The following RSPO2 variants were observed in gnomAD, a reference collection of about 807,000 sequenced individuals.
RSPO2 encodes the protein R-spondin-2.
In RSPO2, 14 loss-of-function variants were observed where a neutral mutation model predicts 30.9. The observed-to-expected ratio is 0.45, with a 90% CI of 0.30 to 0.71. The LOEUF (loss-of-function observed/expected upper bound fraction) is 0.71, where lower values mean the gene tolerates loss of function less well. Among genes scored for constraint, RSPO2 ranks in the 30% least tolerant of loss-of-function variants. The pLI is 0.08. For synonymous variants in RSPO2, 107 were observed against 96.4 expected, an observed-to-expected ratio of 1.11 and a Z score of -0.64; for missense variants, 264 against 301.9, an observed-to-expected ratio of 0.87 and a Z score of 0.93.
Position 108,065,173 on chromosome 8 carries a change from A to T in RSPO2, c.94+17372T>A, listed in dbSNP as rs114780058. Among the ~76,000 whole-genome samples the T allele has an allele frequency of 8.7e-3, 1,288 of 148,242 alleles. 33 individuals are homozygous for T. The highest frequency in any genetic ancestry group is 0.03 in the African/African-American group (1,223 of 40,348). ...TACCCTAGAATTTAAAGTATAAGTT[A>T]AAAAAAAAAGAGTACTACAACACCT... On this transcript the variant is annotated intron_variant, in intron 2 of 5. Coordinates refer to ENST00000276659, the MANE Select transcript of RSPO2 (RefSeq NM_178565.5).
At chr8:107,931,251 A>C (rs1191283889) in intron 5 of RSPO2, among the ~76,000 whole-genome samples, 1 of 152,154 alleles carries the variant, frequency 6.6e-6, no homozygotes, top group Admixed American at 6.5e-5. Context: ...TCCTAGTAAA[A>C]ATAAGTATTA....
At chr8:107,964,411 A>T (rs1813730518) in intron 3 of RSPO2, among the ~76,000 whole-genome samples, 1 of 152,036 alleles carries the variant, frequency 6.6e-6, no homozygotes, top group African/African-American at 2.4e-5. Flanking sequence ...TGCCCAGCTA[A>T]TTTTGTATTT....
At chr8:108,004,522 A>G (rs1189732058) in intron 2 of RSPO2, among the ~76,000 whole-genome samples, 4 of 152,216 alleles carry the variant, frequency 2.6e-5, no homozygotes, top group Non-Finnish European at 5.9e-5. Context: ...AATGAAATGA[A>G]CAGTTTTGGA....
At chr8:107,927,826 G>T (rs187986493) in intron 5 of RSPO2, among the ~76,000 whole-genome samples, 2 of 151,880 alleles carry the variant, frequency 1.3e-5, no homozygotes, top group African/African-American at 2.4e-5. Flanking sequence ...TTTTTGTATC[G>T]ATGTTCATCA....
At chr8:107,931,560 T>C (rs1812553957) in intron 5 of RSPO2, among the ~76,000 whole-genome samples, 2 of 152,064 alleles carry the variant, frequency 1.3e-5, no homozygotes, top group Admixed American at 1.3e-4. Flanking sequence ...TAAAATAGAA[T>C]AAAGTCTGTG....
At chr8:107,965,640 T>G (rs1813777501) in intron 3 of RSPO2, among the ~76,000 whole-genome samples, 1 of 137,432 alleles carries the variant, frequency 7.3e-6, no homozygotes, top group African/African-American at 3.1e-5. Context: ...GCCATTCAAG[T>G]TTTTTTTTTT....
chr8:107,991,616 C>G (rs1394074709), intron 2 of RSPO2, among the ~76,000 whole-genome samples: 1 of 152,104 alleles, frequency 6.6e-6, no homozygotes, highest in Non-Finnish European at 1.5e-5. Flanking sequence ...AGGCAACCTA[C>G]AGAATGGGAG....
intron 5 of RSPO2, among the ~76,000 whole-genome samples, chr8:107,938,258 C>T (rs1483135331): frequency 6.6e-6 from 1 of 152,046 alleles, no homozygotes; most frequent in Admixed American, 6.6e-5. Flanking sequence ...CCCAGAAATA[C>T]TCATGTAATT....
chr8:108,046,627 GCAAA>G (rs775914034), intron 2 of RSPO2, among the ~76,000 whole-genome samples: 65 of 152,166 alleles, frequency 4.3e-4, no homozygotes, highest in Admixed American at 8.5e-4. Flanking sequence ...AGCATCATTT[GCAAA>G]CAAACAAACA....
intron 3 of RSPO2, among the ~76,000 whole-genome samples, chr8:107,986,627 G>T (rs1814643738): frequency 6.6e-6 from 1 of 152,128 alleles, no homozygotes; most frequent in Non-Finnish European, 1.5e-5. Context: ...GTTGTTAATG[G>T]CAGCCCCTCT....
Position 107,960,772 on chromosome 8 carries a change from C to A in RSPO2, c.329G>T (p.Cys110Phe). The A allele has an allele frequency of 1.2e-6, 2 of 1,611,336 alleles. No individual in the cohort carries two copies. The highest frequency in any genetic ancestry group is 1.3e-5 in the African/African-American group (1 of 74,930). ...ATAAAAGCCTACTTTGCACTTGGTACAAAAGTCTTTGCTAAAGCAAGAATC... is the reference window on the plus strand; with the variant it reads ...ATAAAAGCCTACTTTGCACTTGGTAAAAAAGTCTTTGCTAAAGCAAGAATC... ...NCDSCFSKDF[C>F]TKCKVGFYLH... The change falls in exon 4 of 6, where the codon TGT (cysteine) becomes TTT (phenylalanine). Residue 110 changes from cysteine to phenylalanine, a missense_variant. Transcript: ENST00000276659.
At chr8:107,902,024 A>C (rs1435501745) in intron 5 of RSPO2, among the ~76,000 whole-genome samples, 1 of 152,178 alleles carries the variant, frequency 6.6e-6, no homozygotes, top group African/African-American at 2.4e-5. Flanking sequence ...ATAGTTTTAC[A>C]GTCTTACTTT....
chr8:108,011,753 A>G (rs1810717740), intron 2 of RSPO2, among the ~76,000 whole-genome samples: 2 of 152,242 alleles, frequency 1.3e-5, no homozygotes, highest in South Asian at 4.1e-4. Context: ...TGCAGAGGAA[A>G]TAATTGGGCA....
At chr8:107,998,484 T>C (rs1815105040) in intron 2 of RSPO2, among the ~76,000 whole-genome samples, 2 of 152,146 alleles carry the variant, frequency 1.3e-5, no homozygotes, top group South Asian at 2.1e-4. Context: ...TATAAAATTA[T>C]AAATATTTAA....
At chr8:108,072,704 T>C (rs1334850115) in intron 2 of RSPO2, among the ~76,000 whole-genome samples, 2 of 151,928 alleles carry the variant, frequency 1.3e-5, no homozygotes, top group African/African-American at 4.8e-5. Flanking sequence ...AACTTAAAAA[T>C]ACTTTGGCTG....
chr8:108,005,327 G>T (rs1385936864), intron 2 of RSPO2, among the ~76,000 whole-genome samples: 1 of 152,092 alleles, frequency 6.6e-6, no homozygotes, highest in East Asian at 1.9e-4. Context: ...ATTTTGAGAG[G>T]TGACATAGTA....
chr8:108,024,188 T>G lies in RSPO2; in HGVS notation c.95-34944A>C, dbSNP rs983123618. 5.3e-5 allele frequency among the ~76,000 whole-genome samples: 8 copies of G among 151,924 alleles called. No homozygotes were observed. In the South Asian group the frequency reaches 6.2e-4, roughly 12 times the overall value. On this transcript the variant is annotated intron_variant, in intron 2 of 5. Coordinates refer to ENST00000276659, the MANE Select transcript of RSPO2 (RefSeq NM_178565.5). ...ACTCCAATTCTCTCCAACGACAACT[T>G]AAAAAAAAGTTGAGTTGCTTCAATG... is the stretch of plus-strand genomic sequence containing the variant.
At chr8:108,065,163 A>C (rs981169546) in intron 2 of RSPO2, among the ~76,000 whole-genome samples, 2 of 149,328 alleles carry the variant, frequency 1.3e-5, no homozygotes, top group African/African-American at 4.9e-5. Flanking sequence ...TAGAATTTAA[A>C]GTATAAGTTA....
chr8:108,048,246 A>G (rs996423002), intron 2 of RSPO2, among the ~76,000 whole-genome samples: 1 of 152,048 alleles, frequency 6.6e-6, no homozygotes, highest in Non-Finnish European at 1.5e-5. Flanking sequence ...AGCTTGTAAG[A>G]AAGTCATGGG....
Sources: gnomAD v4.1 joint callset for allele counts (sites outside exome capture counted in the v4.1 genomes callset) on GRCh38, gnomAD v4.1.1 for gene constraint, MANE v1.5 for transcripts, NCBI Gene and HGNC (gene_info 2026-07-23, HGNC 2026-07-21) for gene names.